GRIA4: variants seen among roughly 807,000 people sequenced by gnomAD.
The protein encoded by GRIA4 is glutamate ionotropic receptor AMPA type subunit 4.
GRIA4 carries 34 observed loss-of-function variants against 104.0 expected under a neutral mutation model. That is an observed-to-expected ratio of 0.33 (90% CI 0.25 to 0.44). The LOEUF (loss-of-function observed/expected upper bound fraction) is 0.44, where lower values mean the gene tolerates loss of function less well. GRIA4 is among the 20% of genes least tolerant of loss of function. GRIA4 has a pLI of 1.00. For synonymous variants in GRIA4, 386 were observed against 381.9 expected (o/e 1.01, Z -0.13); for missense variants, 750 against 1,096.5 (o/e 0.68, Z 4.46).
intron 3 of GRIA4, among the ~76,000 whole-genome samples, chr11:105,745,173 AAAT>A (rs1361701553): frequency 7.9e-5 from 12 of 152,182 alleles, no homozygotes; most frequent in African/African-American, 2.2e-4. Context: ...AATAGTAATA[AAAT>A]AATAATAACG....
At chr11:105,902,143 G>T (rs1216459392) in intron 7 of GRIA4, among the ~76,000 whole-genome samples, 3 of 152,068 alleles carry the variant, frequency 2.0e-5, no homozygotes, top group African/African-American at 7.2e-5. Context: ...GGAATATATA[G>T]GAAAGCTCTT....
At chr11:105,968,645 T>G (rs1190017719) in intron 14 of GRIA4, among the ~76,000 whole-genome samples, 2 of 152,216 alleles carry the variant, frequency 1.3e-5, no homozygotes, top group Non-Finnish European at 2.9e-5. Context: ...GGGGTACAAA[T>G]TCCTTCATTT....
At chr11:105,737,633 T>G (rs1027070672) in intron 3 of GRIA4, among the ~76,000 whole-genome samples, 1 of 152,168 alleles carries the variant, frequency 6.6e-6, no homozygotes, top group African/African-American at 2.4e-5. Flanking sequence ...CGTAATCCCT[T>G]AAGACCTACT....
At chr11:105,976,309 A>C (rs1858978148) in intron 16 of GRIA4, among the ~76,000 whole-genome samples, 1 of 152,070 alleles carries the variant, frequency 6.6e-6, no homozygotes, top group Non-Finnish European at 1.5e-5. Context: ...TTAGAAATAA[A>C]TGCTGTGTAT....
At chr11:105,969,743 G>A (rs1858586881) in intron 14 of GRIA4, among the ~76,000 whole-genome samples, 1 of 152,166 alleles carries the variant, frequency 6.6e-6, no homozygotes, top group Non-Finnish European at 1.5e-5. Context: ...TGGGGAGCTT[G>A]CCTGGGGACC....
intron 14 of GRIA4, among the ~76,000 whole-genome samples, chr11:105,963,558 C>T (rs1490838789): frequency 6.6e-6 from 1 of 152,076 alleles, no homozygotes; most frequent in Admixed American, 6.5e-5. Flanking sequence ...TATTGAGGGA[C>T]CACATGTTTC....
intron 4 of GRIA4, among the ~76,000 whole-genome samples, chr11:105,806,914 A>G (rs1004933269): frequency 1.3e-5 from 2 of 151,878 alleles, no homozygotes; most frequent in Non-Finnish European, 2.9e-5. Context: ...ATTGAAGTGT[A>G]ACATTGACAA....
At chr11:105,776,192 A>T (rs1340298497) in intron 4 of GRIA4, among the ~76,000 whole-genome samples, 1 of 152,116 alleles carries the variant, frequency 6.6e-6, no homozygotes, top group Non-Finnish European at 1.5e-5. Flanking sequence ...AAATCATTGT[A>T]CACAATACAC....
intron 5 of GRIA4, among the ~76,000 whole-genome samples, chr11:105,864,334 C>A (rs574332933): frequency 1.1e-4 from 17 of 152,160 alleles, no homozygotes; most frequent in Non-Finnish European, 2.2e-4. Flanking sequence ...CTAATCCATA[C>A]TTTGTCAGGG....
chr11:105,612,421 T>G lies in GRIA4; in HGVS notation c.234T>G (p.Ala78=). 6.2e-7 allele frequency: 1 copy of G among 1,614,076 alleles called. No homozygotes were observed. Among genetic ancestry groups the G allele is most frequent in the South Asian group, 1.1e-5 (1 of 91,080 alleles). The change falls in exon 3 of 17, where the codon GCT becomes GCG. Residue 78 remains alanine, a synonymous_variant. Transcript: ENST00000282499. ...VDNIETANSF[A]VTNAFCSQYS... ...ACATTGAGACAGCCAACAGTTTTGCTGTAACAAACGCCTGTAAGTAAAACA... is the reference window on the plus strand; with the variant it reads ...ACATTGAGACAGCCAACAGTTTTGCGGTAACAAACGCCTGTAAGTAAAACA...
intron 4 of GRIA4, among the ~76,000 whole-genome samples, chr11:105,823,606 A>G (rs1202744130): frequency 6.6e-6 from 1 of 152,064 alleles, no homozygotes; most frequent in Non-Finnish European, 1.5e-5. Context: ...TAATAAATAA[A>G]TCTAAAATTA....
intron 3 of GRIA4, among the ~76,000 whole-genome samples, chr11:105,733,670 C>T (rs1241999060): frequency 6.6e-6 from 1 of 151,960 alleles, no homozygotes; most frequent in African/African-American, 2.4e-5. Flanking sequence ...GTTGGTCAGG[C>T]TGGTCTCAAA....
At chr11:105,766,739 A>G (rs1164022991) in intron 4 of GRIA4, among the ~76,000 whole-genome samples, 3 of 152,060 alleles carry the variant, frequency 2.0e-5, no homozygotes, top group Non-Finnish European at 4.4e-5. Flanking sequence ...TTCCTAGCTC[A>G]TTCAGTGTAA....
intron 3 of GRIA4, among the ~76,000 whole-genome samples, chr11:105,622,702 A>G (rs1950780605): frequency 6.6e-6 from 1 of 151,828 alleles, no homozygotes; most frequent in African/African-American, 2.4e-5. Flanking sequence ...TTACTTATAT[A>G]AATTTATGAG....
chr11:105,978,630 TA>T (rs1565377580), intron 16 of GRIA4, among the ~76,000 whole-genome samples: 1 of 152,144 alleles, frequency 6.6e-6, no homozygotes, highest in African/African-American at 2.4e-5. Flanking sequence ...AAGATTTGGA[TA>T]AACTTGAATT....
chr11:105,662,024 T>TGTGTGTGC (rs1409485476), intron 3 of GRIA4, among the ~76,000 whole-genome samples: 1 of 151,406 alleles, frequency 6.6e-6, no homozygotes, highest in Admixed American at 6.6e-5. Context: ...TGTGTGTGTG[T>TGTGTGTGC]GCACATCAAA....
chr11:105,852,201 C>A (rs1944836376), intron 4 of GRIA4, among the ~76,000 whole-genome samples: 3 of 152,018 alleles, frequency 2.0e-5, no homozygotes, highest in African/African-American at 7.2e-5. Context: ...AGAAAAAGAG[C>A]TAGGTTTTTG....
At chr11:105,936,862 G>T (rs929541660) in intron 14 of GRIA4, among the ~76,000 whole-genome samples, 1 of 152,238 alleles carries the variant, frequency 6.6e-6, no homozygotes, top group East Asian at 1.9e-4. Flanking sequence ...GCTCTTTACC[G>T]TTCAGACTTT....
At chr11:105,834,965 T>G (rs1336230287) in intron 4 of GRIA4, among the ~76,000 whole-genome samples, 2 of 152,096 alleles carry the variant, frequency 1.3e-5, no homozygotes, top group African/African-American at 4.8e-5. Context: ...AATCAATATA[T>G]GTATAAGATC....
Sources: gnomAD v4.1 joint callset for allele counts (sites outside exome capture counted in the v4.1 genomes callset) on GRCh38, gnomAD v4.1.1 for gene constraint, MANE v1.5 for transcripts, NCBI Gene and HGNC (gene_info 2026-07-23, HGNC 2026-07-21) for gene names.